MIER1: variants seen among roughly 807,000 people sequenced by gnomAD.
MIER1 encodes mesoderm induction early response protein 1.
A neutral mutation model predicts 75.7 loss-of-function variants in MIER1; 40 were observed. That is an observed-to-expected ratio of 0.53 (90% CI 0.41 to 0.69). MIER1 has a LOEUF of 0.69. MIER1 is among the 30% of genes least tolerant of loss of function. The pLI, the probability that MIER1 is intolerant of heterozygous loss-of-function variation, is 0.00. For synonymous variants in MIER1, 213 were observed against 223.4 expected (o/e 0.95, Z 0.42); for missense variants, 574 against 680.2 (o/e 0.84, Z 1.74).
chr1:66,937,130 A>G (rs1416517430), intron 2 of MIER1, among the ~76,000 whole-genome samples: 1 of 152,104 alleles, frequency 6.6e-6, no homozygotes, highest in Non-Finnish European at 1.5e-5. Flanking sequence ...TATAGAAGGA[A>G]GAGTCAGGGT....
At chr1:66,929,190 T>C (rs1251784024) in intron 2 of MIER1, 1 of 576,804 alleles carries the variant, frequency 1.7e-6, no homozygotes, top group Non-Finnish European at 3.1e-6. Context: ...TATGTACACA[T>C]TTATGCAATG....
At chr1:66,948,291 T>G (rs557326730) in intron 4 of MIER1, 122 of 870,090 alleles carry the variant, frequency 1.4e-4, no homozygotes, top group Admixed American at 1.1e-3. Flanking sequence ...TAAGACATAG[T>G]GCCAGTCTTT....
Position 66,958,098 on chromosome 1 carries a change from G to T in MIER1, c.379G>T (p.Gly127Cys). The change falls in exon 5 of 14, where the codon GGT becomes TGT. Residue 127 changes from glycine to cysteine, a missense_variant. By Grantham distance (159) the Gly-to-Cys change is radical. Transcript: ENST00000401041. ...AATTCATGAACTTCTCAGCCTTTAT[G>T]GTTATGGTAGTACTGTTCGACTACC... Reference protein sequence around the residue: ...MPIHELLSLYGYGSTVRLPEE... With the variant: ...MPIHELLSLYCYGSTVRLPEE... The T allele has an allele frequency of 6.2e-7, 1 of 1,610,502 alleles. No homozygotes were observed. The highest frequency in any genetic ancestry group is 1.1e-5 in the South Asian group (1 of 90,608).
At chr1:66,970,535 G>A (rs1039457332) in intron 8 of MIER1, among the ~76,000 whole-genome samples, 3 of 152,092 alleles carry the variant, frequency 2.0e-5, no homozygotes, top group Non-Finnish European at 4.4e-5. Flanking sequence ...TGGTAGAGAT[G>A]GTATTCAACC....
chr1:66,976,595 G>C lies in MIER1; in HGVS notation c.1102G>C (p.Val368Leu), dbSNP rs760191426. The stretch of plus-strand genomic sequence containing the variant: ...AAAAGCAAGCATTTGTTTCTTACAG[G>C]TCCGAACAAGGTCAGTTGGTGAATG... Reference protein sequence around the residue: ...KDFHLIQANKVRTRSVGECVA... With the variant: ...KDFHLIQANKLRTRSVGECVA... The change falls in exon 12 of 14, where the codon GTC becomes CTC. Residue 368 changes from valine (V) to leucine (L), a missense_variant and splice_region_variant. Physicochemically the swap from Val to Leu is conservative, Grantham distance 32. This residue lies in a region of MIER1 where 101 missense variants were observed against 173.1 expected (regional missense o/e 0.58). Coordinates refer to ENST00000401041, the MANE Select transcript of MIER1 (RefSeq NM_001077700.3). The C allele has an allele frequency of 6.3e-7, 1 of 1,575,908 alleles. No individual in the cohort carries two copies. The highest frequency in any genetic ancestry group is 1.9e-5 in the Admixed American group (1 of 52,202).
At chr1:66,947,805 C>A in intron 4 of MIER1, 1 of 422,714 alleles carries the variant, frequency 2.4e-6, no homozygotes, top group Non-Finnish European at 3.2e-6. Flanking sequence ...ATGTATCACA[C>A]TACCTCTGTT....
intron 3 of MIER1, 36 bp from the exon 4 acceptor site, chr1:66,946,112 ATT>A: frequency 6.4e-7 from 1 of 1,565,748 alleles, no homozygotes; most frequent in Non-Finnish European, 8.6e-7. Context: ...GATCCACTTA[ATT>A]TGGTTTACCA....
Position 66,985,140 on chromosome 1 carries a change from C to T in MIER1, c.*240C>T. On this transcript the variant is annotated 3_prime_UTR_variant, in exon 14 of 14. Transcript: ENST00000401041. ...AAATTTGAATGAACTAAAGATATAT[C>T]TCTACCTTCTCATTTGAATATCTTT... is the stretch of plus-strand genomic sequence containing the variant. 1.8e-6 allele frequency: 2 copies of T among 1,090,042 alleles called. No homozygotes were observed. The highest frequency in any genetic ancestry group is 1.6e-5 in the African/African-American group (1 of 60,758). 67.5% of individuals were successfully genotyped at this position (1,090,042 alleles called of 1,614,324 possible).
intron 7 of MIER1, among the ~76,000 whole-genome samples, chr1:66,962,457 A>G (rs61780020): frequency 0.11 from 16,532 of 152,208 alleles, 1,192 homozygotes; most frequent in Middle Eastern, 0.16. Flanking sequence ...TTAAAATACC[A>G]ATGACTGAGT....
intron 2 of MIER1, among the ~76,000 whole-genome samples, chr1:66,930,776 C>G (rs1370164718): frequency 1.3e-5 from 2 of 152,136 alleles, no homozygotes; most frequent in African/African-American, 4.8e-5. Flanking sequence ...CCTTCCTAAC[C>G]GAGATGCTGT....
At position 66,943,295 on chromosome 1, in the gene MIER1, C is replaced by T. The variant is rs1656688421; in HGVS notation, c.194-2855C>T. The stretch of plus-strand genomic sequence containing the variant: ...TCCTATGGAACCCTTGTGTCCATTG[C>T]CTCAAGCAGTACTAAGATGCACTGC... On this transcript the variant is annotated intron_variant, in intron 3 of 13. Transcript: ENST00000401041. 5.9e-5 allele frequency among the ~76,000 whole-genome samples: 9 copies of T among 152,082 alleles called. No homozygotes were observed. The South Asian group carries it at 1.9e-3, about 32-fold the overall frequency.
At chr1:66,925,223 T>G (rs995919274) in intron 1 of MIER1, 128 bp downstream of exon 1, 7 of 1,368,936 alleles carry the variant, frequency 5.1e-6, no homozygotes, top group Admixed American at 7.5e-5. Flanking sequence ...CGGAAGACCC[T>G]TAACTTCCGG....
intron 2 of MIER1, 31 bp from the exon 3 acceptor site, chr1:66,939,997 A>G (rs746216383): frequency 2.6e-6 from 4 of 1,565,682 alleles, no homozygotes; most frequent in Middle Eastern, 1.7e-4. Flanking sequence ...ATACAGAAAT[A>G]CTAATTTTTC....
chr1:66,955,929 G>A (rs924648915), intron 4 of MIER1, among the ~76,000 whole-genome samples: 4 of 152,080 alleles, frequency 2.6e-5, no homozygotes, highest in Non-Finnish European at 2.9e-5. Context: ...AGTGCCTGAC[G>A]TTTCTCTGCC....
chr1:66,964,909 AG>A (rs1480929445), intron 8 of MIER1, among the ~76,000 whole-genome samples: 1 of 152,116 alleles, frequency 6.6e-6, no homozygotes, highest in Non-Finnish European at 1.5e-5. Flanking sequence ...ATTTCTTTTT[AG>A]CATTCTCTCC....
At chr1:66,964,507 C>T (rs1323774190) in intron 8 of MIER1, among the ~76,000 whole-genome samples, 2 of 148,116 alleles carry the variant, frequency 1.4e-5, no homozygotes, top group Non-Finnish European at 3.0e-5. Flanking sequence ...GGCTGGAGTG[C>T]AATGGCTCAA....
chr1:66,929,207 T>TG (rs1652517942), intron 2 of MIER1: 2 of 481,944 alleles, frequency 4.1e-6, no homozygotes, highest in Non-Finnish European at 7.5e-6. Flanking sequence ...AATGTAGTAT[T>TG]GGTTCACATT....
intron 7 of MIER1, among the ~76,000 whole-genome samples, chr1:66,961,249 A>C (rs1028927965): frequency 6.6e-6 from 1 of 152,272 alleles, no homozygotes; most frequent in East Asian, 1.9e-4. Context: ...TTGAGTTTTT[A>C]TAGAAACTTA....
intron 2 of MIER1, chr1:66,928,764 T>G: frequency 7.0e-6 from 4 of 572,218 alleles, no homozygotes; most frequent in Non-Finnish European, 1.2e-5. Context: ...AAAAACACTT[T>G]TATATAAGTT....
Sources: allele counts gnomAD v4.1 joint callset (sites outside exome capture counted in the v4.1 genomes callset), GRCh38; gene constraint gnomAD v4.1.1; regional missense constraint gnomAD v4.1.1; transcripts MANE v1.5; gene names NCBI Gene and HGNC (gene_info 2026-07-23, HGNC 2026-07-21).